The following EXPH5 variants were observed in gnomAD, a reference collection of about 807,000 sequenced individuals.
EXPH5 encodes the protein exophilin-5.
In EXPH5, 42 loss-of-function variants were observed where a neutral mutation model predicts 41.1. The ratio of observed to expected loss-of-function variants is 1.02; its 90% CI spans 0.80 to 1.32. The LOEUF (loss-of-function observed/expected upper bound fraction) is 1.32, where lower values mean the gene tolerates loss of function less well. EXPH5 is among the 40% of genes most tolerant of loss of function. The pLI is 0.00. For synonymous variants in EXPH5, 798 were observed against 833.5 expected (o/e 0.96, Z 0.73); for missense variants, 2,298 against 2,314.5 (o/e 0.99, Z 0.15).
intron 3 of EXPH5, among the ~76,000 whole-genome samples, 197 bp downstream of exon 3, chr11:108,538,827 G>A (rs896455443): frequency 2.0e-5 from 3 of 152,210 alleles, no homozygotes; most frequent in Non-Finnish European, 4.4e-5. Context: ...GTTAGAAGTT[G>A]GATTTCAGGT....
At chr11:108,569,426 G>T (rs1462498868) in intron 1 of EXPH5, among the ~76,000 whole-genome samples, 1 of 152,036 alleles carries the variant, frequency 6.6e-6, no homozygotes, top group African/African-American at 2.4e-5. Context: ...TGCAACCTCC[G>T]CCTCCTAGGT....
At chr11:108,575,833 G>T (rs1465481603) in intron 1 of EXPH5, among the ~76,000 whole-genome samples, 1 of 152,130 alleles carries the variant, frequency 6.6e-6, no homozygotes, top group Non-Finnish European at 1.5e-5. Flanking sequence ...AATTAGCCGG[G>T]TGTGGTGGCA....
chr11:108,598,444 G>C (rs1334673275), upstream of EXPH5, among the ~76,000 whole-genome samples: 1 of 152,100 alleles, frequency 6.6e-6, no homozygotes, highest in Non-Finnish European at 1.5e-5. Context: ...TGTCTTCAGG[G>C]AGTTTGCACT....
intron 1 of EXPH5, among the ~76,000 whole-genome samples, chr11:108,566,621 G>A (rs919148187): frequency 2.6e-5 from 4 of 152,114 alleles, no homozygotes; most frequent in Non-Finnish European, 4.4e-5. Flanking sequence ...GGGAGGCCGA[G>A]GTGGGAGGAT....
chr11:108,549,868 C>T (rs1233162149), intron 1 of EXPH5, among the ~76,000 whole-genome samples: 1 of 152,224 alleles, frequency 6.6e-6, no homozygotes, highest in African/African-American at 2.4e-5. Flanking sequence ...TGGAGGTACA[C>T]TCCTTGGCAA....
rs2093937767 is a variant in EXPH5 at position 108,546,263 on chromosome 11, C to T, written c.120-4451G>A. On this transcript the variant is annotated intron_variant, in intron 1 of 5. Coordinates refer to ENST00000265843, the MANE Select transcript of EXPH5 (RefSeq NM_015065.3). ...TTGGTCATGGAGCAATGATTGATGG[C>T]TCAGCAGGGATAAGACCCGTTGGAT... Among the ~76,000 whole-genome samples, 6 of 152,048 alleles carry T rather than the reference C, an allele frequency of 3.9e-5. No individual in the cohort carries two copies. In the South Asian group the frequency reaches 1.2e-3, roughly 32 times the overall value.
At chr11:108,529,774 G>A (rs536346561) in intron 3 of EXPH5, among the ~76,000 whole-genome samples, 12 of 151,840 alleles carry the variant, frequency 7.9e-5, no homozygotes, top group African/African-American at 2.9e-4. Context: ...AACCTGGGAG[G>A]CAGAGGTTGC....
chr11:108,538,916 G>C, intron 3 of EXPH5, 108 bp downstream of exon 3: 5 of 1,006,446 alleles, frequency 5.0e-6, no homozygotes, highest in Non-Finnish European at 5.7e-6. Flanking sequence ...AATACCAATT[G>C]AATTGAAATT....
intron 2 of EXPH5, among the ~76,000 whole-genome samples, chr11:108,540,928 C>A (rs1237424487): frequency 1.3e-5 from 2 of 151,552 alleles, no homozygotes; most frequent in African/African-American, 4.8e-5. Context: ...ATTTGAGGTG[C>A]AGTCTTACCG....
At chr11:108,596,649 G>A (rs1374015560), upstream of EXPH5, among the ~76,000 whole-genome samples, 1 of 152,124 alleles carries the variant, frequency 6.6e-6, no homozygotes, top group Admixed American at 6.5e-5. Flanking sequence ...AAAAATGGTT[G>A]CCAAAACCCT....
intron 5 of EXPH5, among the ~76,000 whole-genome samples, chr11:108,516,089 A>AAC (rs1555189170): frequency 1.5e-4 from 22 of 150,342 alleles, no homozygotes; most frequent in South Asian, 8.4e-4. Context: ...AAAAAAAAAA[A>AAC]CCAGAAAAAA....
At position 108,507,958 on chromosome 11, in the gene EXPH5, G is replaced by A. The variant is rs1296658917; in HGVS notation, c.*1579C>T. On this transcript the variant is annotated 3_prime_UTR_variant, in exon 6 of 6. Transcript: ENST00000265843. ...AGATCACCTGAGGTCAGAAGTTTGA[G>A]ACCAGCCTGGCCAACCTGGTGAAAC... 1.5e-5 allele frequency: 2 copies of A among 134,256 alleles called. No homozygotes were observed. Among genetic ancestry groups the A allele is most frequent in the Admixed American group, 1.8e-4 (2 of 11,376 alleles). 8.3% of individuals were successfully genotyped at this position (134,256 alleles called of 1,614,324 possible). A position where few individuals can be genotyped will look rare whatever the true frequency, so the allele number is the denominator to read the frequency against.
At chr11:108,557,338 T>C (rs923426836) in intron 1 of EXPH5, among the ~76,000 whole-genome samples, 4 of 152,106 alleles carry the variant, frequency 2.6e-5, no homozygotes, top group African/African-American at 9.7e-5. Context: ...ATATAATCAA[T>C]AAGAAAGTAA....
upstream of EXPH5, among the ~76,000 whole-genome samples, chr11:108,595,967 G>C (rs541306132): frequency 6.6e-6 from 1 of 152,046 alleles, no homozygotes; most frequent in Non-Finnish European, 1.5e-5. Context: ...TTTGGGAGGC[G>C]GAGGCGGGCA....
chr11:108,584,473 G>A (rs1039838697), intron 1 of EXPH5, among the ~76,000 whole-genome samples: 53 of 149,922 alleles, frequency 3.5e-4, no homozygotes, highest in Admixed American at 2.5e-3. Flanking sequence ...GAGAGACCCT[G>A]TCTCAAAAAA....
In EXPH5 at chr11:108,514,489, T is replaced by G. The variant is rs770093639; in HGVS notation, c.1018A>C (p.Arg340=). ...ALPATGHFTA[R]SLHFPATTQS... ...GTTGTGGCTGGAAAATGTAAGCTTC[T>G]TGCTGTGAAATGCCCTGTGGCTGGT... Residue 340 remains arginine (R), a synonymous_variant, in exon 6 of 6, where the codon AGA becomes CGA. Coordinates refer to ENST00000265843, the MANE Select transcript of EXPH5 (RefSeq NM_015065.3). The G allele has an allele frequency of 1.2e-6, 2 of 1,613,078 alleles. No individual in the cohort carries two copies. Among genetic ancestry groups the G allele is most frequent in the Admixed American group, 1.7e-5 (1 of 59,944 alleles).
intron 1 of EXPH5, among the ~76,000 whole-genome samples, chr11:108,583,895 T>C (rs1401163251): frequency 1.3e-5 from 2 of 152,108 alleles, no homozygotes; most frequent in Admixed American, 6.5e-5. Context: ...GGAGACATGA[T>C]TGGCCATGTA....
intron 4 of EXPH5, among the ~76,000 whole-genome samples, chr11:108,523,258 C>T (rs564920279): frequency 6.6e-6 from 1 of 152,122 alleles, no homozygotes. Flanking sequence ...ATCCTTATAA[C>T]AAATTTGTGA....
chr11:108,520,048 C>T (rs1472688939), intron 4 of EXPH5, among the ~76,000 whole-genome samples: 1 of 151,766 alleles, frequency 6.6e-6, no homozygotes, highest in African/African-American at 2.4e-5. Context: ...GGTCCCTGAC[C>T]CCTGGGCCAC....
Sources: allele counts gnomAD v4.1 joint callset (sites outside exome capture counted in the v4.1 genomes callset), GRCh38; gene constraint gnomAD v4.1.1; transcripts MANE v1.5; gene names NCBI Gene and HGNC (gene_info 2026-07-23, HGNC 2026-07-21).